LY96: variants seen among roughly 807,000 people sequenced by gnomAD.
The protein encoded by LY96 is lymphocyte antigen 96.
LY96 carries 18 observed loss-of-function variants against 18.9 expected under a neutral mutation model. That is an observed-to-expected ratio of 0.95 (90% CI 0.66 to 1.41). The LOEUF (loss-of-function observed/expected upper bound fraction) is 1.41, where lower values mean the gene tolerates loss of function less well. LY96 is among the 40% of genes most tolerant of loss of function. The pLI, the probability that LY96 is intolerant of heterozygous loss-of-function variation, is 0.00. For missense variants in LY96, 175 were observed against 182.4 expected (o/e 0.96, Z 0.23); for synonymous variants, 66 against 62.6 (o/e 1.06, Z -0.26).
At chr8:74,004,659 A>G (rs1202789023) in intron 1 of LY96, 137 bp from the exon 2 acceptor site, 2 of 812,942 alleles carry the variant, frequency 2.5e-6, no homozygotes, top group Non-Finnish European at 3.8e-6. Context: ...TTCTGGGGAG[A>G]TATTTTCAAT....
At chr8:73,993,855 A>G (rs375514207) in intron 1 of LY96, among the ~76,000 whole-genome samples, 1 of 152,234 alleles carries the variant, frequency 6.6e-6, no homozygotes, top group African/African-American at 2.4e-5. Context: ...CTGGGATTAC[A>G]GATATGAGCC....
At chr8:74,019,296 A>G (rs1415777822) in intron 3 of LY96, among the ~76,000 whole-genome samples, 1 of 152,232 alleles carries the variant, frequency 6.6e-6, no homozygotes, top group Non-Finnish European at 1.5e-5. Context: ...AAACACCTCT[A>G]TGCAAATAAA....
At chr8:74,010,869 C>A (rs150301351) in intron 3 of LY96, among the ~76,000 whole-genome samples, 292 of 149,678 alleles carry the variant, frequency 2.0e-3, no homozygotes, top group African/African-American at 6.6e-3. Context: ...CTGTGTCATG[C>A]TTTCTCTTTG....
At chr8:74,063,363 A>G in the LY96 span, among the ~76,000 whole-genome samples, 309 of 152,340 alleles carry the variant, frequency 2.0e-3, 1 homozygote, top group African/African-American at 6.4e-3. Flanking sequence ...GGAGAGGAGA[A>G]TTAGCTCTGC....
chr8:74,065,028 C>T, the LY96 span, among the ~76,000 whole-genome samples: 1 of 152,110 alleles, frequency 6.6e-6, no homozygotes, highest in Non-Finnish European at 1.5e-5. Flanking sequence ...CCCTGTGGTC[C>T]AAGCGAAACC....
chr8:74,088,369 G>A, the LY96 span, among the ~76,000 whole-genome samples: 1 of 152,130 alleles, frequency 6.6e-6, no homozygotes, highest in Non-Finnish European at 1.5e-5. Context: ...GAAAACACAA[G>A]GAGCCATTTG....
chr8:74,041,978 C>G, the LY96 span, among the ~76,000 whole-genome samples: 2 of 152,244 alleles, frequency 1.3e-5, no homozygotes, highest in African/African-American at 4.8e-5. Context: ...TTTTGCAGCT[C>G]AGGTGGGCAT....
the LY96 span, among the ~76,000 whole-genome samples, chr8:74,093,437 C>G: frequency 6.6e-6 from 1 of 152,136 alleles, no homozygotes; most frequent in African/African-American, 2.4e-5. Context: ...TTGTGGATTG[C>G]GATGGGGGAA....
the LY96 span, among the ~76,000 whole-genome samples, chr8:74,095,896 A>G: frequency 6.6e-6 from 1 of 152,112 alleles, no homozygotes; most frequent in Non-Finnish European, 1.5e-5. Context: ...AGAGCCAACC[A>G]TCTATTCCAT....
At chr8:74,020,897 T>A (rs1331321436) in intron 3 of LY96, among the ~76,000 whole-genome samples, 1 of 152,228 alleles carries the variant, frequency 6.6e-6, no homozygotes, top group Non-Finnish European at 1.5e-5. Flanking sequence ...ATCCTTTCCT[T>A]AAATCTTATA....
At chr8:74,022,537 A>G (rs897922999) in intron 3 of LY96, among the ~76,000 whole-genome samples, 2 of 149,656 alleles carry the variant, frequency 1.3e-5, no homozygotes, top group Non-Finnish European at 3.0e-5. Context: ...GCTAAGTGTT[A>G]GGACAGTCTC....
intron 3 of LY96, among the ~76,000 whole-genome samples, chr8:74,025,604 A>C (rs1278606334): frequency 6.7e-6 from 1 of 149,548 alleles, no homozygotes; most frequent in Non-Finnish European, 1.5e-5. Context: ...GCAGTGAGCC[A>C]AGATTGTGCC....
the LY96 span, among the ~76,000 whole-genome samples, chr8:74,066,424 A>G: frequency 5.3e-5 from 8 of 152,026 alleles, no homozygotes; most frequent in African/African-American, 1.7e-4. Flanking sequence ...GAGGACTCAC[A>G]TGTGCAAAGA....
the LY96 span, among the ~76,000 whole-genome samples, chr8:74,098,704 C>T: frequency 1.3e-5 from 2 of 152,270 alleles, no homozygotes; most frequent in African/African-American, 4.8e-5. Context: ...TTTGATGATA[C>T]TAAGAACTTG....
intron 3 of LY96, among the ~76,000 whole-genome samples, chr8:74,011,147 C>T (rs1303395770): frequency 6.6e-6 from 1 of 152,142 alleles, no homozygotes; most frequent in Non-Finnish European, 1.5e-5. Context: ...TCTCCTTCCT[C>T]AGAAAGTTAC....
intron 1 of LY96, among the ~76,000 whole-genome samples, chr8:73,999,245 C>T (rs1307843867): frequency 6.6e-6 from 1 of 152,128 alleles, no homozygotes; most frequent in African/African-American, 2.4e-5. Context: ...GTTGGGATTA[C>T]AGGTGTGAGC....
chr8:74,045,744 C>T, the LY96 span, among the ~76,000 whole-genome samples: 10,255 of 152,060 alleles, frequency 0.067, 602 homozygotes, highest in African/African-American at 0.16. Context: ...GCCTGTCTGA[C>T]GGAAGCAAAA....
At chr8:74,015,535 C>T (rs1449430827) in intron 3 of LY96, among the ~76,000 whole-genome samples, 4 of 152,194 alleles carry the variant, frequency 2.6e-5, no homozygotes, top group African/African-American at 9.6e-5. Context: ...AATAAGGACA[C>T]TTGCATATTG....
At chr8:74,068,961 A>C in the LY96 span, among the ~76,000 whole-genome samples, 1 of 151,996 alleles carries the variant, frequency 6.6e-6, no homozygotes, top group Admixed American at 6.6e-5. Context: ...TGCCTGGCTA[A>C]TTTTTGCATT....
Sources: gnomAD v4.1 joint callset for allele counts (sites outside exome capture counted in the v4.1 genomes callset) on GRCh38, gnomAD v4.1.1 for gene constraint, MANE v1.5 for transcripts, NCBI Gene and HGNC (gene_info 2026-07-23, HGNC 2026-07-21) for gene names.